The following GNAO1 variants were observed in gnomAD, a reference collection of about 807,000 sequenced individuals.
GNAO1 encodes G protein subunit alpha o1, also known as guanine nucleotide-binding protein G(o) subunit alpha.
For missense variants in GNAO1, 166 were observed against 478.7 expected, an observed-to-expected ratio of 0.35 and a Z score of 6.10; for synonymous variants, 164 against 180.7, an observed-to-expected ratio of 0.91 and a Z score of 0.74.
chr16:56,314,839 A>G (rs557027578), intron 3 of GNAO1, among the ~76,000 whole-genome samples: 1 of 152,176 alleles, frequency 6.6e-6, no homozygotes, highest in Non-Finnish European at 1.5e-5. Flanking sequence ...TCCACTGACC[A>G]CCCTTTGAGA....
At chr16:56,345,156 ACGGT>A in intron 6 of GNAO1, 1 of 985,812 alleles carries the variant, frequency 1.0e-6, no homozygotes, top group Non-Finnish European at 1.2e-6. Context: ...TCTCCCGGTG[ACGGT>A]GACGCAGGTC....
chr16:56,313,873 C>G (rs1038583037), intron 3 of GNAO1, among the ~76,000 whole-genome samples: 2 of 152,146 alleles, frequency 1.3e-5, no homozygotes, highest in African/African-American at 2.4e-5. Context: ...AAGTACACAC[C>G]ACTCCCAGGG....
At chr16:56,251,465 A>G (rs1175529116) in intron 2 of GNAO1, among the ~76,000 whole-genome samples, 1 of 151,610 alleles carries the variant, frequency 6.6e-6, no homozygotes, top group East Asian at 1.9e-4. Flanking sequence ...CATTAAGCTC[A>G]AGGGCATGTT....
chr16:56,340,963 A>T (rs781128298), intron 6 of GNAO1: 3 of 1,613,862 alleles, frequency 1.9e-6, no homozygotes, highest in Non-Finnish European at 2.5e-6. Context: ...GTCCCCGCTC[A>T]CCATCTGCTT....
chr16:56,340,519 C>A, intron 6 of GNAO1: 1 of 355,864 alleles, frequency 2.8e-6, no homozygotes, highest in East Asian at 5.0e-5. Context: ...TGGTGCATGT[C>A]CTCTCCGTGA....
intron 3 of GNAO1, among the ~76,000 whole-genome samples, chr16:56,321,775 G>C (rs2617839): frequency 2.4e-4 from 37 of 152,278 alleles, no homozygotes; most frequent in African/African-American, 8.9e-4. Context: ...ACCTGGTAGC[G>C]GTCACTGCTG....
At chr16:56,211,953 C>A (rs1447106909) in intron 2 of GNAO1, among the ~76,000 whole-genome samples, 4 of 152,106 alleles carry the variant, frequency 2.6e-5, no homozygotes, top group Non-Finnish European at 5.9e-5. Context: ...TTATGCAACT[C>A]CAGAGTCAAA....
chr16:56,278,359 C>T (rs1167300836), intron 3 of GNAO1, among the ~76,000 whole-genome samples: 5 of 152,334 alleles, frequency 3.3e-5, no homozygotes, highest in South Asian at 4.1e-4. Flanking sequence ...ACTCAGGCAC[C>T]CCCTTCCTGT....
chr16:56,235,086 A>G (rs776256338), intron 2 of GNAO1: 11 of 335,142 alleles, frequency 3.3e-5, no homozygotes, highest in Non-Finnish European at 5.3e-5. Context: ...GACCAGACAA[A>G]GATGCTTAGC....
intron 2 of GNAO1, among the ~76,000 whole-genome samples, chr16:56,208,880 T>C (rs12934260): frequency 6.6e-6 from 1 of 152,140 alleles, no homozygotes; most frequent in African/African-American, 2.4e-5. Flanking sequence ...GTCTTTTTTG[T>C]TTTTTTGTTT....
chr16:56,312,700 G>A (rs549381293), intron 3 of GNAO1, among the ~76,000 whole-genome samples: 10 of 152,376 alleles, frequency 6.6e-5, no homozygotes, highest in Non-Finnish European at 1.0e-4. Context: ...AGAATGAGCC[G>A]CACCTCTGCA....
intron 5 of GNAO1, 39 bp downstream of exon 5, chr16:56,334,896 A>T: frequency 6.2e-7 from 1 of 1,607,404 alleles, no homozygotes; most frequent in South Asian, 1.1e-5. Flanking sequence ...GGCGAGGGCT[A>T]AGATGGGACA....
intron 3 of GNAO1, among the ~76,000 whole-genome samples, chr16:56,306,039 G>A (rs1465154832): frequency 6.6e-6 from 1 of 152,250 alleles, no homozygotes; most frequent in East Asian, 1.9e-4. Context: ...CTAACAGGGA[G>A]CTTCCCTGCC....
At chr16:56,331,454 T>C (rs1241863598) in intron 4 of GNAO1, among the ~76,000 whole-genome samples, 1 of 152,164 alleles carries the variant, frequency 6.6e-6, no homozygotes, top group Non-Finnish European at 1.5e-5. Context: ...GAGCTCTTGC[T>C]CCTCCGCCTG....
chr16:56,263,737 C>T (rs1309079537), intron 2 of GNAO1, among the ~76,000 whole-genome samples: 2 of 152,216 alleles, frequency 1.3e-5, no homozygotes, highest in Non-Finnish European at 2.9e-5. Flanking sequence ...TAGACATAGA[C>T]ATAGATATGA....
intron 2 of GNAO1, among the ~76,000 whole-genome samples, chr16:56,244,854 C>T (rs1362269267): frequency 6.6e-6 from 1 of 152,174 alleles, no homozygotes; most frequent in African/African-American, 2.4e-5. Flanking sequence ...TTCTGCTCTT[C>T]CTACAGGCAG....
At chr16:56,248,408 G>A (rs1350212081) in intron 2 of GNAO1, among the ~76,000 whole-genome samples, 1 of 152,144 alleles carries the variant, frequency 6.6e-6, no homozygotes, top group Non-Finnish European at 1.5e-5. Context: ...TGAGAATGGC[G>A]GGAGATACAA....
At chr16:56,277,689 GGTCT>G (rs575257566) in intron 3 of GNAO1, among the ~76,000 whole-genome samples, 6 of 151,832 alleles carry the variant, frequency 4.0e-5, no homozygotes, top group Non-Finnish European at 7.4e-5. Context: ...ACAGGCCTCT[GGTCT>G]GTCTGTCTCC....
At chr16:56,305,534 G>C (rs2037385507) in intron 3 of GNAO1, among the ~76,000 whole-genome samples, 1 of 152,152 alleles carries the variant, frequency 6.6e-6, no homozygotes, top group Admixed American at 6.5e-5. Flanking sequence ...GTGGAAATGA[G>C]GCTGGTGTGT....
Sources: gnomAD v4.1 joint callset for allele counts (sites outside exome capture counted in the v4.1 genomes callset) on GRCh38, gnomAD v4.1.1 for gene constraint, MANE v1.5 for transcripts, NCBI Gene and HGNC (gene_info 2026-07-23, HGNC 2026-07-21) for gene names.